Variants in ADAMTS18 observed in about 807,000 individuals in gnomAD.
ADAMTS18 encodes the protein A disintegrin and metalloproteinase with thrombospondin motifs 18.
Under a neutral mutation model 165.9 loss-of-function variants are expected in ADAMTS18, and 157 were observed. That is an observed-to-expected ratio of 0.95 (90% CI 0.83 to 1.08). The LOEUF is 1.08. Among genes scored for constraint, ADAMTS18 ranks in the 50% least tolerant of loss-of-function variants. The pLI is 0.00. For synonymous variants in ADAMTS18, 782 were observed against 578.2 expected, an observed-to-expected ratio of 1.35 and a Z score of -5.06; for missense variants, 2,040 against 1,534.0, an observed-to-expected ratio of 1.33 and a Z score of -5.51.
At chr16:77,316,224 T>A (rs1380612422) in intron 16 of ADAMTS18, among the ~76,000 whole-genome samples, 1 of 151,644 alleles carries the variant, frequency 6.6e-6, no homozygotes, top group Admixed American at 6.6e-5. Context: ...ACTTCTTGCC[T>A]CTCCAATCAC....
chr16:77,340,992 C>A (rs928263519), intron 11 of ADAMTS18, among the ~76,000 whole-genome samples: 34 of 152,248 alleles, frequency 2.2e-4, no homozygotes, highest in African/African-American at 8.2e-4. Flanking sequence ...ATTCATAGCT[C>A]CTCTTTGATT....
At chr16:77,288,827 G>C (rs529317554) in intron 22 of ADAMTS18, among the ~76,000 whole-genome samples, 15 of 152,124 alleles carry the variant, frequency 9.9e-5, no homozygotes, top group Admixed American at 2.6e-4. Context: ...AGATCACTAG[G>C]ATAGGCTGGG....
chr16:77,408,502 G>C (rs1306565552), intron 3 of ADAMTS18, among the ~76,000 whole-genome samples: 1 of 152,134 alleles, frequency 6.6e-6, no homozygotes, highest in Non-Finnish European at 1.5e-5. Context: ...CATGAGGTGA[G>C]ATACTTTGAA....
At chr16:77,349,255 C>A (rs1369431282) in intron 10 of ADAMTS18, among the ~76,000 whole-genome samples, 3 of 152,010 alleles carry the variant, frequency 2.0e-5, no homozygotes, top group African/African-American at 7.2e-5. Context: ...CCTGTCTCCC[C>A]CTTTCGGTTC....
intron 16 of ADAMTS18, among the ~76,000 whole-genome samples, chr16:77,317,265 C>A (rs9923239): frequency 0.43 from 65,879 of 152,026 alleles, 15,025 homozygotes; most frequent in East Asian, 0.88. Context: ...ATCCACTACT[C>A]TATACCCAGT....
intron 3 of ADAMTS18, among the ~76,000 whole-genome samples, chr16:77,393,219 A>T (rs1180394746): frequency 1.3e-5 from 2 of 152,164 alleles, no homozygotes; most frequent in Non-Finnish European, 2.9e-5. Context: ...CCTAGAACCC[A>T]ATGTGCAGCC....
At position 77,403,925 on chromosome 16, in the gene ADAMTS18, C is replaced by T. The variant is rs1368979794; in HGVS notation, c.495+27370G>A. On this transcript the variant is annotated intron_variant, in intron 3 of 22. Transcript: ENST00000282849. ...GAAGAGGGTTGGCTGGGAAGGAAGGCTTTCCTAAGAGTGTGACCTTGGAGC... is the reference window on the plus strand; with the variant it reads ...GAAGAGGGTTGGCTGGGAAGGAAGGTTTTCCTAAGAGTGTGACCTTGGAGC... Among the ~76,000 whole-genome samples, 3 of 152,052 alleles carry T rather than the reference C, an allele frequency of 2.0e-5. No individual in the cohort carries two copies. The South Asian group carries it at 6.2e-4, about 32-fold the overall frequency.
intron 11 of ADAMTS18, 141 bp from the exon 12 acceptor site, chr16:77,336,045 G>C: frequency 9.8e-7 from 1 of 1,022,122 alleles, no homozygotes. Context: ...AAATTCCTCT[G>C]CTGTGCTCTA....
chr16:77,413,086 C>T (rs2057485977), intron 3 of ADAMTS18, among the ~76,000 whole-genome samples: 1 of 152,138 alleles, frequency 6.6e-6, no homozygotes, highest in Non-Finnish European at 1.5e-5. Flanking sequence ...ATGCAGAATT[C>T]TGGCTAATAT....
At chr16:77,304,820 T>C (rs2055652562) in intron 16 of ADAMTS18, among the ~76,000 whole-genome samples, 1 of 152,254 alleles carries the variant, frequency 6.6e-6, no homozygotes, top group African/African-American at 2.4e-5. Context: ...TGTGTGTTAC[T>C]ATTACAGTTT....
intron 4 of ADAMTS18, among the ~76,000 whole-genome samples, chr16:77,366,219 C>T (rs999153909): frequency 2.0e-5 from 3 of 152,086 alleles, no homozygotes; most frequent in Non-Finnish European, 4.4e-5. Flanking sequence ...GCTACTGAGC[C>T]ACAGAAGAAT....
intron 19 of ADAMTS18, among the ~76,000 whole-genome samples, chr16:77,294,505 T>C (rs181796908): frequency 2.0e-5 from 3 of 152,342 alleles, no homozygotes; most frequent in African/African-American, 7.2e-5. Context: ...CATAGCAAAC[T>C]TTATGCCCTA....
At chr16:77,340,317 G>T (rs555612980) in intron 11 of ADAMTS18, among the ~76,000 whole-genome samples, 1 of 152,246 alleles carries the variant, frequency 6.6e-6, no homozygotes, top group East Asian at 1.9e-4. Flanking sequence ...TGGGATTTCA[G>T]GTGTGTGCCA....
intron 21 of ADAMTS18, chr16:77,290,930 A>G: frequency 3.3e-6 from 1 of 304,580 alleles, no homozygotes; most frequent in Non-Finnish European, 6.3e-6. Flanking sequence ...AGCATTTCTA[A>G]AACAGAAAGA....
At chr16:77,393,891 G>A (rs1450175706) in intron 3 of ADAMTS18, among the ~76,000 whole-genome samples, 1 of 152,186 alleles carries the variant, frequency 6.6e-6, no homozygotes, top group African/African-American at 2.4e-5. Context: ...ACAAACAGAA[G>A]CCAAGCATGA....
rs139088116 is a variant in ADAMTS18 at position 77,430,407 on chromosome 16, C to G, written c.495+888G>C. Among the ~76,000 whole-genome samples, 343 of 152,316 alleles carry G rather than the reference C, an allele frequency of 2.3e-3. 1 individual carries two copies. The highest frequency in any genetic ancestry group is 7.6e-3 in the African/African-American group (315 of 41,560). Reference sequence around the variant, plus strand: ...ACATGGGAGTCCGCATTCACCCGTACCCAAGCCACCCCTCTTGCTTTGTGC... The same window carrying G: ...ACATGGGAGTCCGCATTCACCCGTAGCCAAGCCACCCCTCTTGCTTTGTGC... On this transcript the variant is annotated intron_variant, in intron 3 of 22. Transcript: ENST00000282849.
chr16:77,373,797 T>C (rs1243608371), intron 3 of ADAMTS18, among the ~76,000 whole-genome samples: 4 of 152,150 alleles, frequency 2.6e-5, no homozygotes, highest in Non-Finnish European at 5.9e-5. Flanking sequence ...TATGTCTATC[T>C]TCAATAAGGA....
chr16:77,307,497 A>G (rs979627056), intron 16 of ADAMTS18, among the ~76,000 whole-genome samples: 2 of 152,210 alleles, frequency 1.3e-5, no homozygotes, highest in African/African-American at 4.8e-5. Context: ...TACAGTTCTA[A>G]TTCAACTCAT....
intron 3 of ADAMTS18, among the ~76,000 whole-genome samples, chr16:77,404,520 G>C (rs2057370629): frequency 6.6e-6 from 1 of 152,016 alleles, no homozygotes; most frequent in Admixed American, 6.6e-5. Context: ...ATTTACTATG[G>C]GGCTAAATGT....
Sources: allele counts gnomAD v4.1 joint callset (sites outside exome capture counted in the v4.1 genomes callset), GRCh38; gene constraint gnomAD v4.1.1; transcripts MANE v1.5; gene names NCBI Gene and HGNC (gene_info 2026-07-23, HGNC 2026-07-21).